KIF1B: variants seen among roughly 807,000 people sequenced by gnomAD.
The protein encoded by KIF1B is kinesin family member 1B.
In KIF1B, 76 loss-of-function variants were observed where a neutral mutation model predicts 241.9. That is an observed-to-expected ratio of 0.31 (90% confidence interval 0.26 to 0.38). The LOEUF is 0.38. Among genes scored for constraint, KIF1B ranks in the 10% least tolerant of loss-of-function variants. The pLI is 1.00. For synonymous variants in KIF1B, 750 were observed against 796.7 expected (o/e 0.94, Z 0.99); for missense variants, 1,622 against 2,271.4 (o/e 0.71, Z 5.81).
chr1:10,292,692 C>T (rs1002041555), intron 17 of KIF1B, among the ~76,000 whole-genome samples: 1 of 152,194 alleles, frequency 6.6e-6, no homozygotes, highest in Non-Finnish European at 1.5e-5. Flanking sequence ...TTTACATAAT[C>T]ATAGTTATGA....
chr1:10,241,914 G>A (rs541689628), intron 2 of KIF1B, among the ~76,000 whole-genome samples: 2 of 152,306 alleles, frequency 1.3e-5, no homozygotes, highest in South Asian at 4.2e-4. Flanking sequence ...CAGTTCACAA[G>A]ACCGTGAAAG....
At chr1:10,311,682 A>G (rs1165428238) in intron 22 of KIF1B, among the ~76,000 whole-genome samples, 3 of 151,240 alleles carry the variant, frequency 2.0e-5, no homozygotes, top group African/African-American at 7.4e-5. Flanking sequence ...TGTCTCTGGC[A>G]TTTGACACAG....
At chr1:10,292,700 T>G (rs77234721) in intron 17 of KIF1B, among the ~76,000 whole-genome samples, 2,851 of 152,346 alleles carry the variant, frequency 0.019, 39 homozygotes, top group Non-Finnish European at 0.028. Context: ...ATCATAGTTA[T>G]GAAGTAGTTA....
At chr1:10,321,490 A>G (rs536221136) in intron 23 of KIF1B, among the ~76,000 whole-genome samples, 24 of 152,290 alleles carry the variant, frequency 1.6e-4, no homozygotes, top group African/African-American at 5.5e-4. Flanking sequence ...TATTTTAAAT[A>G]AATACAAAAG....
rs573888089 is a variant in KIF1B, at chr1:10,279,238, C to T, written c.1222+100C>T. ...AAGCTTTGCATGCTGGCAATCCTTACAGGGAAATCCCAGACAGAGCATAGT... is the reference window on the plus strand; with the variant it reads ...AAGCTTTGCATGCTGGCAATCCTTATAGGGAAATCCCAGACAGAGCATAGT... On this transcript the variant is annotated intron_variant, in intron 14 of 48. Coordinates refer to ENST00000676179, the MANE Select transcript of KIF1B (RefSeq NM_001365951.3). 8.3e-4 allele frequency: 615 copies of T among 741,342 alleles called. 1 individual carries two copies. Among genetic ancestry groups the T allele is most frequent in the South Asian group, 2.5e-3 (146 of 57,274 alleles). The allele number at this position is 741,342 out of a possible 1,614,324, so 45.9% of individuals were successfully genotyped here.
intron 1 of KIF1B, among the ~76,000 whole-genome samples, chr1:10,215,154 ATATATATATATATATATATTT>A (rs1188211429): frequency 3.1e-5 from 2 of 63,808 alleles, no homozygotes; most frequent in Admixed American, 1.4e-4. Flanking sequence ...ATATATATAT[ATATATATATATATATATATTT>A]TTTTTTTTTT....
intron 33 of KIF1B, among the ~76,000 whole-genome samples, chr1:10,342,550 A>T (rs114249012): frequency 7.9e-5 from 12 of 152,328 alleles, no homozygotes; most frequent in Non-Finnish European, 1.5e-4. Context: ...GGCCTTTCTG[A>T]TGATGGCAGA....
intron 28 of KIF1B, among the ~76,000 whole-genome samples, chr1:10,334,922 A>G (rs956971763): frequency 6.6e-6 from 1 of 151,952 alleles, no homozygotes; most frequent in African/African-American, 2.4e-5. Flanking sequence ...CATTAACTAT[A>G]TAAAAGTCAT....
intron 2 of KIF1B, among the ~76,000 whole-genome samples, chr1:10,242,315 T>G (rs1647148443): frequency 6.6e-6 from 1 of 151,642 alleles, no homozygotes; most frequent in Non-Finnish European, 1.5e-5. Context: ...CAGCATGGAG[T>G]GTACTTACAC....
chr1:10,315,987 C>T (rs1651285724), intron 22 of KIF1B, among the ~76,000 whole-genome samples: 1 of 142,196 alleles, frequency 7.0e-6, no homozygotes, highest in Non-Finnish European at 1.5e-5. Flanking sequence ...ACCTGGGAGG[C>T]AGAGGTTATA....
At chr1:10,310,146 T>C (rs1045290454) in intron 22 of KIF1B, among the ~76,000 whole-genome samples, 3 of 151,726 alleles carry the variant, frequency 2.0e-5, no homozygotes, top group Non-Finnish European at 2.9e-5. Context: ...ATCTGTCTTA[T>C]TCACTTCGCC....
intron 22 of KIF1B, chr1:10,304,672 T>C: frequency 6.2e-7 from 1 of 1,612,944 alleles, no homozygotes; most frequent in Non-Finnish European, 8.5e-7. Flanking sequence ...AAACTTGAAA[T>C]CATGGTGGAA....
At chr1:10,269,781 G>A (rs1648683722) in intron 7 of KIF1B, among the ~76,000 whole-genome samples, 1 of 152,198 alleles carries the variant, frequency 6.6e-6, no homozygotes, top group African/African-American at 2.4e-5. Context: ...TTGCGCCATT[G>A]CACTTCAGCC....
chr1:10,262,878 T>G (rs1648226213), intron 5 of KIF1B, among the ~76,000 whole-genome samples: 1 of 152,196 alleles, frequency 6.6e-6, no homozygotes, highest in Non-Finnish European at 1.5e-5. Flanking sequence ...CTTTTTTAAT[T>G]GCTTATAAAA....
chr1:10,316,414 T>C (rs1651307054), intron 22 of KIF1B, among the ~76,000 whole-genome samples: 1 of 151,632 alleles, frequency 6.6e-6, no homozygotes, highest in Admixed American at 6.6e-5. Flanking sequence ...CTTAAATAGA[T>C]ATCTGGGCAT....
At chr1:10,304,628 G>A (rs1650734055) in intron 22 of KIF1B, 2 of 1,613,970 alleles carry the variant, frequency 1.2e-6, no homozygotes, top group Admixed American at 1.7e-5. Flanking sequence ...CTCAAAGCTG[G>A]TCGAGAAACC....
Position 10,347,760 on chromosome 1 carries a change from G to C in KIF1B, c.3798-1G>C. On this transcript the variant is annotated splice_acceptor_variant, in intron 35 of 48. Transcript: ENST00000676179. LOFTEE classifies it high-confidence loss of function. ...TTTTCTTTTGCGTTTCTATTTTTTA[G>C]GTATATCCCAGCTGTGGTTGACCAC... The C allele has an allele frequency of 6.2e-7, 1 of 1,612,594 alleles. No individual in the cohort carries two copies. The highest frequency in any genetic ancestry group is 8.5e-7 in the Non-Finnish European group (1 of 1,178,906).
chr1:10,296,575 C>A lies in KIF1B; in HGVS notation c.1778-7C>A. On this transcript the variant is annotated splice_region_variant and splice_polypyrimidine_tract_variant and intron_variant, in intron 19 of 48. Coordinates refer to ENST00000676179, the MANE Select transcript of KIF1B (RefSeq NM_001365951.3). ...TGATAACATTAGTTTGTGTTTGTTCCTCTTAGTTATCGTGACCTTAGAGCC... is the reference window on the plus strand; with the variant it reads ...TGATAACATTAGTTTGTGTTTGTTCATCTTAGTTATCGTGACCTTAGAGCC... 1.2e-6 allele frequency: 2 copies of A among 1,610,430 alleles called. No individual in the cohort carries two copies. The highest frequency in any genetic ancestry group is 1.7e-6 in the Non-Finnish European group (2 of 1,176,936).
intron 5 of KIF1B, among the ~76,000 whole-genome samples, chr1:10,264,253 G>C (rs1019077311): frequency 6.6e-6 from 1 of 152,088 alleles, no homozygotes; most frequent in South Asian, 2.1e-4. Flanking sequence ...ACTGGGGCAG[G>C]GTTCTTTGTC....
Sources: allele counts gnomAD v4.1 joint callset (sites outside exome capture counted in the v4.1 genomes callset), GRCh38; gene constraint gnomAD v4.1.1; transcripts MANE v1.5; gene names NCBI Gene and HGNC (gene_info 2026-07-23, HGNC 2026-07-21).